The following TRDMT1 variants were observed in gnomAD, a reference collection of about 807,000 sequenced individuals.
TRDMT1 encodes tRNA (cytosine(38)-C(5))-methyltransferase.
In TRDMT1, 49 loss-of-function variants were observed where a neutral mutation model predicts 51.2. The ratio of observed to expected loss-of-function variants is 0.96; its 90% confidence interval spans 0.76 to 1.21. The LOEUF is 1.21. Among genes scored for constraint, TRDMT1 ranks in the 50% most tolerant of loss-of-function variants. The probability of loss-of-function intolerance (pLI) is 0.00; values close to 1 mark genes in which losing one functional copy is unlikely to be tolerated. For synonymous variants in TRDMT1, 187 were observed against 164.6 expected, an observed-to-expected ratio of 1.14 and a Z score of -1.04; for missense variants, 534 against 462.3, an observed-to-expected ratio of 1.16 and a Z score of -1.42.
Position 17,139,128 on chromosome 10 carries a change from G to A in TRDMT1, c.*9912C>T, listed in dbSNP as rs570747374. On this transcript the variant is annotated 3_prime_UTR_variant, in exon 11 of 11. Coordinates refer to ENST00000377799, the MANE Select transcript of TRDMT1 (RefSeq NM_004412.7). ...AGCTCCATTGGATTAATCCAAGCTT[G>A]GTTTCCAAGGTGTGAAGCAATGAAG... The A allele has an allele frequency of 6.2e-5, 60 of 966,522 alleles. No homozygotes were observed. The African/African-American group carries it at 1.0e-3, about 17-fold the overall frequency. The allele number at this position is 966,522 out of a possible 1,614,324, so 59.9% of individuals were successfully genotyped here. A position where few individuals can be genotyped will look rare whatever the true frequency, so the allele number is the denominator to read the frequency against.
chr10:17,146,477 A>T lies in TRDMT1; in HGVS notation c.*2563T>A. ...ACCTCTTCGAAATCATTTTCCAACT[A>T]TGACTCATTTTGTTTACATTAATTG... On this transcript the variant is annotated 3_prime_UTR_variant, in exon 11 of 11. Transcript: ENST00000377799. 2.0e-6 allele frequency: 2 copies of T among 985,368 alleles called. No homozygotes were observed. Among genetic ancestry groups the T allele is most frequent in the Non-Finnish European group, 1.2e-6 (1 of 829,900 alleles). The allele number at this position is 985,368 out of a possible 1,614,324, so 61.0% of individuals were successfully genotyped here. A position where few individuals can be genotyped will look rare whatever the true frequency, so the allele number is the denominator to read the frequency against.
Position 17,146,940 on chromosome 10 carries a change from C to A in TRDMT1, c.*2100G>T. 1.0e-6 allele frequency: 1 copy of A among 985,328 alleles called. No individual in the cohort carries two copies. The highest frequency in any genetic ancestry group is 1.2e-6 in the Non-Finnish European group (1 of 829,894). 61.0% of individuals were successfully genotyped at this position (985,328 alleles called of 1,614,324 possible). Reference sequence around the variant, plus strand: ...CATATTTTCAATTATGAATTAAGGGCAAGAATCACCGTCTTCCTGTGAATA... The same window carrying A: ...CATATTTTCAATTATGAATTAAGGGAAAGAATCACCGTCTTCCTGTGAATA... On this transcript the variant is annotated 3_prime_UTR_variant, in exon 11 of 11. Coordinates refer to ENST00000377799, the MANE Select transcript of TRDMT1 (RefSeq NM_004412.7).
At chr10:17,151,454 G>C (rs2131374929) in intron 10 of TRDMT1, 1 of 967,610 alleles carries the variant, frequency 1.0e-6, no homozygotes, top group African/African-American at 1.8e-5. Context: ...ATCCATCATT[G>C]CCAGTAGACA....
chr10:17,148,861 A>G lies in TRDMT1; in HGVS notation c.*179T>C. ...AACAATAGTTCGTATTTTATAAAAT[A>G]CAGTAATATAAATTTGATGAAACAC... On this transcript the variant is annotated 3_prime_UTR_variant, in exon 11 of 11. Transcript: ENST00000377799. 1.6e-6 allele frequency: 2 copies of G among 1,215,856 alleles called. No individual in the cohort carries two copies. Among genetic ancestry groups the G allele is most frequent in the Non-Finnish European group, 2.1e-6 (2 of 944,828 alleles). The allele number at this position is 1,215,856 out of a possible 1,614,324, so 75.3% of individuals were successfully genotyped here.
At position 17,170,700 on chromosome 10, in the gene TRDMT1, C is replaced by T. The variant is rs140269527; in HGVS notation, c.175-1783G>A. Reference sequence around the variant, plus strand: ...AGCCATCCTATCCAAGACCACAGTACGCTTTCATCATTTTTCAAATCTCTT... The same window carrying T: ...AGCCATCCTATCCAAGACCACAGTATGCTTTCATCATTTTTCAAATCTCTT... On this transcript the variant is annotated intron_variant, in intron 2 of 10. Transcript: ENST00000377799. 1.7e-3 allele frequency among the ~76,000 whole-genome samples: 264 copies of T among 152,230 alleles called. 1 individual carries two copies. Among genetic ancestry groups the T allele is most frequent in the African/African-American group, 5.7e-3 (236 of 41,544 alleles).
At position 17,140,037 on chromosome 10, in the gene TRDMT1, CTTTTTTTTTT is replaced by C. The variant is rs758336473; in HGVS notation, c.*8993_*9002del. ...TATTCTTCCAGTAACATCTAGTGTG[CTTTTTTTTTT>C]TTTTTTTTTTTTTTTTGAGACAGAG... On this transcript the variant is annotated 3_prime_UTR_variant, in exon 11 of 11. Coordinates refer to ENST00000377799, the MANE Select transcript of TRDMT1 (RefSeq NM_004412.7). Among the ~76,000 whole-genome samples, 1 of 21,914 alleles carries C rather than the reference CTTTTTTTTTT, an allele frequency of 4.6e-5. No homozygotes were observed. Among genetic ancestry groups the C allele is most frequent in the Non-Finnish European group, 8.5e-5 (1 of 11,716 alleles). 14.4% of individuals were successfully genotyped at this position (21,914 alleles called of 152,430 possible).
Position 17,144,152 on chromosome 10 carries a change from G to A in TRDMT1, c.*4888C>T. 1.0e-6 allele frequency: 1 copy of A among 985,490 alleles called. No homozygotes were observed. The allele number at this position is 985,490 out of a possible 1,614,324, so 61.0% of individuals were successfully genotyped here. On this transcript the variant is annotated 3_prime_UTR_variant, in exon 11 of 11. Transcript: ENST00000377799. Reference sequence around the variant, plus strand: ...TCAGATAAGTCAGCTCCAAGCCTCTGCTCTTCTTTTTCTCTTTCTCTCTTT... The same window carrying A: ...TCAGATAAGTCAGCTCCAAGCCTCTACTCTTCTTTTTCTCTTTCTCTCTTT...
intron 3 of TRDMT1, among the ~76,000 whole-genome samples, chr10:17,166,649 A>G: frequency 6.6e-6 from 1 of 152,178 alleles, no homozygotes; most frequent in Non-Finnish European, 1.5e-5. Flanking sequence ...GTGGGATTAG[A>G]CTGGATGTGA....
chr10:17,176,048 T>C (rs1450065014), intron 1 of TRDMT1, among the ~76,000 whole-genome samples: 3 of 152,206 alleles, frequency 2.0e-5, no homozygotes, highest in Non-Finnish European at 4.4e-5. Context: ...ATAAATTGTA[T>C]CTGTTAAAGC....
At chr10:17,151,941 A>G (rs1268044631) in intron 10 of TRDMT1, 2 of 1,190,858 alleles carry the variant, frequency 1.7e-6, no homozygotes, top group Admixed American at 3.5e-5. Flanking sequence ...GAAATCATTC[A>G]GTCTGACTCT....
intron 1 of TRDMT1, among the ~76,000 whole-genome samples, chr10:17,192,752 G>C (rs1844862781): frequency 6.6e-6 from 1 of 152,272 alleles, no homozygotes; most frequent in Admixed American, 6.5e-5. Context: ...ATGTTGTGTG[G>C]AGAGTTTCTA....
At position 17,142,475 on chromosome 10, in the gene TRDMT1, T is replaced by C. The variant is rs1837761758; in HGVS notation, c.*6565A>G. On this transcript the variant is annotated 3_prime_UTR_variant, in exon 11 of 11. Coordinates refer to ENST00000377799, the MANE Select transcript of TRDMT1 (RefSeq NM_004412.7). ...GGATTTTCTCCCAAGCCAGGTCCCA[T>C]GGTATCTCTGGGAGAAGGGAGTCTC... The C allele has an allele frequency of 1.3e-5, 2 of 152,178 alleles. No individual in the cohort carries two copies. The highest frequency in any genetic ancestry group is 1.3e-4 in the Admixed American group (2 of 15,278). 9.4% of individuals were successfully genotyped at this position (152,178 alleles called of 1,614,324 possible). A position where few individuals can be genotyped will look rare whatever the true frequency, so the allele number is the denominator to read the frequency against.
chr10:17,157,720 T>C lies in TRDMT1; in HGVS notation c.608A>G (p.Asn203Ser), dbSNP rs1444438030. ...HPQKYAMDVE[N>S]KIQEKNVEPN... ...TTCAACGTTCTTTTCTTGAATTTTATTTTCTACATCCATTGCATATTTTTG... is the reference window on the plus strand; with the variant it reads ...TTCAACGTTCTTTTCTTGAATTTTACTTTCTACATCCATTGCATATTTTTG... Residue 203 changes from asparagine (N) to serine (S), a missense_variant, in exon 8 of 11, where the codon AAT (asparagine) becomes AGT (serine). Transcript: ENST00000377799. 6.2e-7 allele frequency: 1 copy of C among 1,611,756 alleles called. No individual in the cohort carries two copies. Among genetic ancestry groups the C allele is most frequent in the Non-Finnish European group, 8.5e-7 (1 of 1,179,436 alleles).
intron 10 of TRDMT1, chr10:17,153,263 T>C (rs1247879757): frequency 1.9e-6 from 1 of 525,904 alleles, no homozygotes; most frequent in East Asian, 3.0e-5. Flanking sequence ...ATGTGACCCT[T>C]CTAGCCATGC....
intron 1 of TRDMT1, among the ~76,000 whole-genome samples, chr10:17,177,886 A>T (rs1441182268): frequency 6.6e-6 from 1 of 152,146 alleles, no homozygotes. Flanking sequence ...CCAAATAAAT[A>T]AAAAAATTTA....
At chr10:17,165,042 A>G (rs916204781) in intron 3 of TRDMT1, among the ~76,000 whole-genome samples, 6 of 152,210 alleles carry the variant, frequency 3.9e-5, no homozygotes, top group African/African-American at 1.4e-4. Flanking sequence ...ATGGAACCAA[A>G]AAAGAGCCCA....
chr10:17,187,946 T>C (rs914034186), intron 1 of TRDMT1, among the ~76,000 whole-genome samples: 12 of 152,212 alleles, frequency 7.9e-5, no homozygotes, highest in African/African-American at 2.9e-4. Context: ...AATAGTCAAA[T>C]GACTTCATAT....
At chr10:17,160,871 T>C (rs576275413) in intron 5 of TRDMT1, among the ~76,000 whole-genome samples, 1 of 152,258 alleles carries the variant, frequency 6.6e-6, no homozygotes, top group African/African-American at 2.4e-5. Flanking sequence ...TAATATTGAA[T>C]CAAAAGATAT....
chr10:17,201,434 A>G, intron 1 of TRDMT1, 137 bp downstream of exon 1: 1 of 801,536 alleles, frequency 1.2e-6, no homozygotes, highest in Non-Finnish European at 1.8e-6. Context: ...TGTTTCCAGG[A>G]CAACCGAGGG....
Sources: allele counts gnomAD v4.1 joint callset (sites outside exome capture counted in the v4.1 genomes callset), GRCh38; gene constraint gnomAD v4.1.1; transcripts MANE v1.5; gene names NCBI Gene and HGNC (gene_info 2026-07-23, HGNC 2026-07-21).